PBX3: variants seen among roughly 807,000 people sequenced by gnomAD.
PBX3 encodes the protein pre-B-cell leukemia transcription factor 3.
In PBX3, 14 loss-of-function variants were observed where a neutral mutation model predicts 48.5. The observed-to-expected ratio is 0.29, with a 90% CI of 0.19 to 0.45. PBX3 has a LOEUF of 0.45. Ranked by LOEUF, PBX3 falls within the 20% of genes least tolerant of loss-of-function variation. PBX3 has a pLI of 1.00. For missense variants in PBX3, 386 were observed against 546.7 expected, an observed-to-expected ratio of 0.71 and a Z score of 2.93; for synonymous variants, 210 against 200.3, an observed-to-expected ratio of 1.05 and a Z score of -0.41.
chr9:125,932,149 A>G (rs1363211107), intron 4 of PBX3, among the ~76,000 whole-genome samples: 1 of 152,208 alleles, frequency 6.6e-6, no homozygotes, highest in Non-Finnish European at 1.5e-5. Flanking sequence ...GCTGGTTACC[A>G]GTAATGAGTC....
intron 2 of PBX3, among the ~76,000 whole-genome samples, chr9:125,808,848 T>C (rs1347752298): frequency 6.6e-6 from 1 of 152,192 alleles, no homozygotes; most frequent in Non-Finnish European, 1.5e-5. Flanking sequence ...ATATATATTG[T>C]TGATTCATTA....
chr9:125,964,819 G>T (rs1306481752), intron 8 of PBX3, among the ~76,000 whole-genome samples: 1 of 152,138 alleles, frequency 6.6e-6, no homozygotes, highest in African/African-American at 2.4e-5. Context: ...CTGAAAGAGG[G>T]CATTTTGGAT....
At chr9:125,901,398 G>T (rs554953279) in intron 2 of PBX3, among the ~76,000 whole-genome samples, 2 of 151,794 alleles carry the variant, frequency 1.3e-5, no homozygotes, top group South Asian at 4.2e-4. Flanking sequence ...TATATTAGTT[G>T]ATTGAAAATA....
chr9:125,834,201 A>C (rs1588199108), intron 2 of PBX3, among the ~76,000 whole-genome samples: 1 of 152,174 alleles, frequency 6.6e-6, no homozygotes, highest in African/African-American at 2.4e-5. Flanking sequence ...TGACTGAAGT[A>C]GGGGGAGACT....
chr9:125,937,435 T>A (rs534423115), intron 5 of PBX3, among the ~76,000 whole-genome samples: 1 of 152,310 alleles, frequency 6.6e-6, no homozygotes, highest in East Asian at 1.9e-4. Flanking sequence ...TTTTGAATTT[T>A]TTTTTTAGCA....
intron 2 of PBX3, among the ~76,000 whole-genome samples, chr9:125,866,393 A>C (rs1300707549): frequency 1.3e-5 from 2 of 152,214 alleles, no homozygotes; most frequent in African/African-American, 2.4e-5. Context: ...TTCTAACTAG[A>C]AGTGAAATCA....
intron 2 of PBX3, among the ~76,000 whole-genome samples, chr9:125,827,491 C>A (rs917685667): frequency 3.3e-5 from 5 of 151,964 alleles, no homozygotes; most frequent in African/African-American, 1.2e-4. Flanking sequence ...ACTACACATA[C>A]GTGTATTTAC....
chr9:125,913,822 C>T (rs1222085432), intron 2 of PBX3, among the ~76,000 whole-genome samples: 1 of 151,974 alleles, frequency 6.6e-6, no homozygotes, highest in East Asian at 1.9e-4. Flanking sequence ...AATCAACAAA[C>T]ACACAAAACT....
Position 125,813,632 on chromosome 9 carries a change from A to G in PBX3, c.274+65009A>G, listed in dbSNP as rs551308828. ...AGGCTGTCATCTGTGTCTTTTTGAC[A>G]TGTCACCATTATTCTTCAAGCAGTT... On this transcript the variant is annotated intron_variant, in intron 2 of 8. Coordinates refer to ENST00000373489, the MANE Select transcript of PBX3 (RefSeq NM_006195.6). 2.6e-5 allele frequency among the ~76,000 whole-genome samples: 4 copies of G among 152,298 alleles called. No individual in the cohort carries two copies. In the East Asian group the frequency reaches 7.7e-4, roughly 29 times the overall value.
chr9:125,940,665 A>G (rs752609036), intron 5 of PBX3, among the ~76,000 whole-genome samples: 6 of 152,392 alleles, frequency 3.9e-5, no homozygotes, highest in South Asian at 2.1e-4. Flanking sequence ...TTATTTAACA[A>G]TGAGAATGAA....
intron 2 of PBX3, among the ~76,000 whole-genome samples, chr9:125,846,808 A>G (rs1306520335): frequency 6.6e-6 from 1 of 152,068 alleles, no homozygotes; most frequent in Non-Finnish European, 1.5e-5. Context: ...CATATATCCA[A>G]ATTGTTTGTT....
intron 5 of PBX3, among the ~76,000 whole-genome samples, chr9:125,936,039 G>A (rs1841829187): frequency 6.6e-6 from 1 of 152,156 alleles, no homozygotes; most frequent in Non-Finnish European, 1.5e-5. Context: ...AATTCACCAG[G>A]CCCTTTCTTG....
chr9:125,916,458 G>C (rs554282675), intron 3 of PBX3, among the ~76,000 whole-genome samples: 4 of 152,090 alleles, frequency 2.6e-5, no homozygotes, highest in Non-Finnish European at 4.4e-5. Context: ...ATAATTATGG[G>C]TACCCCAGGA....
chr9:125,839,456 A>G (rs1041320234), intron 2 of PBX3, among the ~76,000 whole-genome samples: 5 of 152,206 alleles, frequency 3.3e-5, no homozygotes, highest in Admixed American at 2.0e-4. Context: ...GTTCCAAAGA[A>G]AGAGGAAGGA....
At chr9:125,889,242 C>T (rs1323319782) in intron 2 of PBX3, among the ~76,000 whole-genome samples, 1 of 152,214 alleles carries the variant, frequency 6.6e-6, no homozygotes, top group Non-Finnish European at 1.5e-5. Context: ...AGAGCTGTCT[C>T]CTGGTCCGGG....
At chr9:125,907,588 G>C (rs767434328) in intron 2 of PBX3, among the ~76,000 whole-genome samples, 1 of 151,944 alleles carries the variant, frequency 6.6e-6, no homozygotes, top group Non-Finnish European at 1.5e-5. Context: ...TGAGTTCGTG[G>C]TATCCCTATT....
intron 2 of PBX3, among the ~76,000 whole-genome samples, chr9:125,868,327 A>T: frequency 6.6e-6 from 1 of 152,196 alleles, no homozygotes; most frequent in South Asian, 2.1e-4. Flanking sequence ...TGTTACATTG[A>T]TTTTATTTAC....
intron 2 of PBX3, among the ~76,000 whole-genome samples, chr9:125,790,335 C>G (rs569476714): frequency 6.6e-6 from 1 of 151,918 alleles, no homozygotes; most frequent in Non-Finnish European, 1.5e-5. Flanking sequence ...TCACTGCAAC[C>G]TCTACCTCCC....
At chr9:125,764,793 GT>G (rs1454143652) in intron 2 of PBX3, among the ~76,000 whole-genome samples, 1 of 151,972 alleles carries the variant, frequency 6.6e-6, no homozygotes. Context: ...ATTTAAGCTT[GT>G]TTTTATATTT....
Sources: allele counts gnomAD v4.1 joint callset (sites outside exome capture counted in the v4.1 genomes callset), GRCh38; gene constraint gnomAD v4.1.1; transcripts MANE v1.5; gene names NCBI Gene and HGNC (gene_info 2026-07-23, HGNC 2026-07-21).